KLRK1: variants seen among roughly 807,000 people sequenced by gnomAD.
The protein encoded by KLRK1 is NKG2-D type II integral membrane protein.
Under a neutral mutation model 31.3 loss-of-function variants are expected in KLRK1, and 40 were observed. That is an observed-to-expected ratio of 1.28 (90% confidence interval 0.99 to 1.67). KLRK1 has a LOEUF of 1.67. Among genes scored for constraint, KLRK1 ranks in the 40% most tolerant of loss-of-function variants. The pLI, the probability that KLRK1 is intolerant of heterozygous loss-of-function variation, is 0.00. For synonymous variants in KLRK1, 77 were observed against 77.3 expected, an observed-to-expected ratio of 1.00 and a Z score of 0.02; for missense variants, 251 against 260.0, an observed-to-expected ratio of 0.97 and a Z score of 0.24.
Position 10,379,808 on chromosome 12 carries a change from G to A in KLRK1, c.149-16C>T, listed in dbSNP as rs747915299. The A allele has an allele frequency of 3.7e-6, 6 of 1,607,416 alleles. No homozygotes were observed. The South Asian group carries it at 6.7e-5, about 18-fold the overall frequency. ...AATGGAGATGCTGTCAAAGAAAAAAGACACAGATCAGAGAAAGAAGCATAA... is the reference window on the plus strand; with the variant it reads ...AATGGAGATGCTGTCAAAGAAAAAAAACACAGATCAGAGAAAGAAGCATAA... On this transcript the variant is annotated splice_polypyrimidine_tract_variant and intron_variant, in intron 3 of 7. Coordinates refer to ENST00000240618, the MANE Select transcript of KLRK1 (RefSeq NM_007360.4).
At chr12:10,373,321 G>A (rs1862898275) in intron 7 of KLRK1, 90 bp from the exon 8 acceptor site, 4 of 1,098,984 alleles carry the variant, frequency 3.6e-6, no homozygotes, top group Non-Finnish European at 5.1e-6. Flanking sequence ...TCAAATACAG[G>A]AACTTAATAC....
At chr12:10,377,135 C>A (rs1351284659) in intron 7 of KLRK1, among the ~76,000 whole-genome samples, 1 of 152,140 alleles carries the variant, frequency 6.6e-6, no homozygotes, top group Non-Finnish European at 1.5e-5. Context: ...ATTTAAGAGG[C>A]TGATCAAAAC....
chr12:10,387,138 T>G, intron 2 of KLRK1, 128 bp from the exon 3 acceptor site: 1 of 604,890 alleles, frequency 1.7e-6, no homozygotes, highest in Non-Finnish European at 2.8e-6. Flanking sequence ...AAGTACAACA[T>G]GAACTTACTT....
chr12:10,378,293 G>C (rs182606665), intron 6 of KLRK1, 58 bp from the exon 7 acceptor site: 3 of 1,545,636 alleles, frequency 1.9e-6, no homozygotes, highest in African/African-American at 2.7e-5. Context: ...TTTAGTAAAC[G>C]CAAGACCATA....
chr12:10,372,652 T>G lies in KLRK1; in HGVS notation c.*462A>C. 5.2e-6 allele frequency: 1 copy of G among 190,524 alleles called. No homozygotes were observed. The highest frequency in any genetic ancestry group is 1.1e-5 in the Non-Finnish European group (1 of 94,634). 11.8% of individuals were successfully genotyped at this position (190,524 alleles called of 1,614,324 possible). On this transcript the variant is annotated 3_prime_UTR_variant, in exon 8 of 8. Transcript: ENST00000240618. ...CTGACCCCGTTGGGTGGAGGACCCA[T>G]TAAAAGTGGCAGCATGACCCCCACA... is the stretch of plus-strand genomic sequence containing the variant.
chr12:10,385,373 C>CAG (rs1293884657), intron 3 of KLRK1, among the ~76,000 whole-genome samples: 1 of 145,860 alleles, frequency 6.9e-6, no homozygotes, highest in Non-Finnish European at 1.6e-5. Context: ...CACAGACACA[C>CAG]ACACACACAC....
intron 3 of KLRK1, among the ~76,000 whole-genome samples, chr12:10,380,495 T>C (rs1036183158): frequency 1.3e-5 from 2 of 151,992 alleles, no homozygotes; most frequent in African/African-American, 2.4e-5. Flanking sequence ...TAACCACACA[T>C]TGAATAGAGT....
At chr12:10,378,283 T>A (rs1190415225) in intron 6 of KLRK1, 48 bp from the exon 7 acceptor site, 13 of 1,581,548 alleles carry the variant, frequency 8.2e-6, no homozygotes, top group Non-Finnish European at 1.1e-5. Flanking sequence ...TGTTGATAAT[T>A]TTAGTAAACG....
At chr12:10,383,942 C>A (rs560626443) in intron 3 of KLRK1, among the ~76,000 whole-genome samples, 2 of 152,104 alleles carry the variant, frequency 1.3e-5, no homozygotes, top group Non-Finnish European at 2.9e-5. Flanking sequence ...ATACAAAAAT[C>A]AGTAGTGTTT....
At chr12:10,376,877 C>T (rs578124344) in intron 7 of KLRK1, among the ~76,000 whole-genome samples, 3 of 152,032 alleles carry the variant, frequency 2.0e-5, no homozygotes, top group Admixed American at 6.6e-5. Context: ...AGTGCAGCGG[C>T]GCAATCTCGG....
At chr12:10,383,356 AC>A (rs1239224013) in intron 3 of KLRK1, among the ~76,000 whole-genome samples, 8 of 152,238 alleles carry the variant, frequency 5.3e-5, no homozygotes, top group African/African-American at 1.9e-4. Flanking sequence ...GCACAGCTAT[AC>A]TTAGATAAAA....
At chr12:10,389,587 C>T (rs1449843745) in intron 1 of KLRK1, among the ~76,000 whole-genome samples, 1 of 152,056 alleles carries the variant, frequency 6.6e-6, no homozygotes, top group Non-Finnish European at 1.5e-5. Context: ...AAGGTAAGTG[C>T]CCCCTACAGC....
rs557219486 is a variant in KLRK1 at position 10,379,763 on chromosome 12, C to T, written c.178G>A (p.Ala60Thr). Residue 60 changes from alanine to threonine, a missense_variant, in exon 4 of 8, where the codon GCT (alanine) becomes ACT (threonine). Transcript: ENST00000240618. ...ATGAAACGGATTCCCATGGCTACAG[C>T]GATGAAGCAGCAGAAAAAAAATGGA... ...ASPFFFCCFI[A>T]VAMGIRFIIM... is the part of the protein sequence containing the mutation. The T allele has an allele frequency of 5.0e-5, 80 of 1,610,844 alleles. No individual in the cohort carries two copies. Among genetic ancestry groups the T allele is most frequent in the Admixed American group, 2.0e-4 (12 of 59,764 alleles).
chr12:10,382,551 A>G (rs1435281429), intron 3 of KLRK1, among the ~76,000 whole-genome samples: 4 of 152,184 alleles, frequency 2.6e-5, no homozygotes, highest in Non-Finnish European at 4.4e-5. Context: ...AGTTGAGTGA[A>G]TTTATTACCA....
intron 1 of KLRK1, 70 bp from the exon 2 acceptor site, chr12:10,388,945 G>T: frequency 9.3e-7 from 1 of 1,070,246 alleles, no homozygotes; most frequent in Non-Finnish European, 1.3e-6. Flanking sequence ...ATTTTGAATA[G>T]AAAAGTAAAA....
chr12:10,373,361 TC>T, intron 7 of KLRK1, 130 bp from the exon 8 acceptor site: 1 of 623,856 alleles, frequency 1.6e-6, no homozygotes. Flanking sequence ...CCATGCCTGG[TC>T]CTAATTCATA....
At position 10,373,015 on chromosome 12, in the gene KLRK1, G is replaced by T; in HGVS notation, c.*99C>A. The T allele has an allele frequency of 1.9e-6, 2 of 1,040,394 alleles. No individual in the cohort carries two copies. The highest frequency in any genetic ancestry group is 2.5e-5 in the East Asian group (1 of 39,932). 64.4% of individuals were successfully genotyped at this position (1,040,394 alleles called of 1,614,324 possible). On this transcript the variant is annotated 3_prime_UTR_variant, in exon 8 of 8. Transcript: ENST00000240618. Reference sequence around the variant, plus strand: ...AAATCTGACAGTCTTTGGTCATTTTGTCCTGTTTTTGTTTGTTTCCTTTAG... The same window carrying T: ...AAATCTGACAGTCTTTGGTCATTTTTTCCTGTTTTTGTTTGTTTCCTTTAG...
chr12:10,387,068 A>C, intron 2 of KLRK1, 58 bp from the exon 3 acceptor site: 2 of 1,389,550 alleles, frequency 1.4e-6, no homozygotes, highest in Non-Finnish European at 2.0e-6. Flanking sequence ...TTTGGGGCAT[A>C]AATTTTAAAA....
intron 7 of KLRK1, among the ~76,000 whole-genome samples, chr12:10,375,913 T>TAA (rs1301275187): frequency 6.6e-6 from 1 of 152,182 alleles, no homozygotes; most frequent in East Asian, 1.9e-4. Context: ...GAGCAGGCTA[T>TAA]AAAAACTACA....
Sources: allele counts gnomAD v4.1 joint callset (sites outside exome capture counted in the v4.1 genomes callset), GRCh38; gene constraint gnomAD v4.1.1; transcripts MANE v1.5; gene names NCBI Gene and HGNC (gene_info 2026-07-23, HGNC 2026-07-21).